LRPPRC: variants seen among roughly 807,000 people sequenced by gnomAD.
LRPPRC encodes leucine-rich PPR motif-containing protein, mitochondrial.
A neutral mutation model predicts 180.3 loss-of-function variants in LRPPRC; 120 were observed. The ratio of observed to expected loss-of-function variants is 0.67; its 90% confidence interval spans 0.57 to 0.77. LRPPRC has a LOEUF of 0.77. LRPPRC is among the 30% of genes least tolerant of loss of function. The pLI is 0.00. For synonymous variants in LRPPRC, 723 were observed against 600.0 expected, an observed-to-expected ratio of 1.21 and a Z score of -3.00; for missense variants, 2,012 against 1,657.2, an observed-to-expected ratio of 1.21 and a Z score of -3.72.
At chr2:43,918,824 T>G (rs1373074306) in intron 27 of LRPPRC, among the ~76,000 whole-genome samples, 6 of 143,708 alleles carry the variant, frequency 4.2e-5, no homozygotes, top group Non-Finnish European at 9.2e-5. Context: ...TATATATATC[T>G]ATATATAGAT....
intron 5 of LRPPRC, 35 bp from the exon 6 acceptor site, chr2:43,976,264 A>G (rs760076727): frequency 8.7e-7 from 1 of 1,152,780 alleles, no homozygotes; most frequent in Non-Finnish European, 1.3e-6. Context: ...CATTGAAAGT[A>G]TTTATAAGAA....
chr2:43,939,280 AAAAAATAAAAAT>A (rs71393216), intron 23 of LRPPRC, among the ~76,000 whole-genome samples: 20 of 151,254 alleles, frequency 1.3e-4, no homozygotes, highest in African/African-American at 4.6e-4. Context: ...CTCCGTCTCA[AAAAAATAAAAAT>A]AAAAATAAAA....
chr2:43,988,064 AC>A (rs1265498460), intron 1 of LRPPRC, among the ~76,000 whole-genome samples: 1 of 152,004 alleles, frequency 6.6e-6, no homozygotes, highest in Non-Finnish European at 1.5e-5. Context: ...AACATGTGAA[AC>A]CCCATCTCTA....
intron 23 of LRPPRC, among the ~76,000 whole-genome samples, chr2:43,938,634 T>C (rs1199009064): frequency 6.6e-6 from 1 of 152,180 alleles, no homozygotes; most frequent in Non-Finnish European, 1.5e-5. Flanking sequence ...AATCTGATAG[T>C]ACCACTCATT....
intron 1 of LRPPRC, among the ~76,000 whole-genome samples, chr2:43,990,272 A>T (rs1674716329): frequency 6.6e-6 from 1 of 152,026 alleles, no homozygotes; most frequent in Admixed American, 6.6e-5. Flanking sequence ...TGTTTACCCT[A>T]ATCCCCAAAT....
chr2:43,893,886 T>C (rs1350085324), intron 36 of LRPPRC, among the ~76,000 whole-genome samples: 1 of 152,186 alleles, frequency 6.6e-6, no homozygotes, highest in African/African-American at 2.4e-5. Context: ...GAAGCAATTC[T>C]TTATTTACCC....
intron 5 of LRPPRC, among the ~76,000 whole-genome samples, 186 bp from the exon 6 acceptor site, chr2:43,976,415 G>T (rs561303858): frequency 1.3e-5 from 2 of 152,028 alleles, no homozygotes; most frequent in African/African-American, 4.8e-5. Flanking sequence ...ACTCTCTAAT[G>T]TATCAACAGT....
intron 2 of LRPPRC, among the ~76,000 whole-genome samples, chr2:43,981,570 T>C (rs1239760010): frequency 6.6e-6 from 1 of 151,202 alleles, no homozygotes; most frequent in African/African-American, 2.4e-5. Flanking sequence ...GGCAGGAGAG[T>C]TGCTTGAACC....
At chr2:43,996,050 G>A (rs1031467351), upstream of LRPPRC, 15 of 1,210,120 alleles carry the variant, frequency 1.2e-5, no homozygotes, top group Non-Finnish European at 1.6e-5. Flanking sequence ...TGCCGGGCGT[G>A]CCAAATGTGG....
rs543827489 is a variant in LRPPRC at position 43,963,760 on chromosome 2, A to G, written c.1370-54T>C. The G allele has an allele frequency of 5.3e-4, 499 of 938,534 alleles. 6 individuals are homozygous for G. The South Asian group carries it at 6.0e-3, about 11-fold the overall frequency. The allele number at this position is 938,534 out of a possible 1,614,324, so 58.1% of individuals were successfully genotyped here. On this transcript the variant is annotated intron_variant, in intron 11 of 37. Coordinates refer to ENST00000260665, the MANE Select transcript of LRPPRC (RefSeq NM_133259.4). The stretch of plus-strand genomic sequence containing the variant: ...ATAGAGAACTTAGAATAAAGTAAGA[A>G]AAGATCGGTAAGTTCAGTTCAATTA...
At chr2:43,894,670 T>C (rs1413469192) in intron 35 of LRPPRC, 41 bp from the exon 36 acceptor site, 2 of 961,362 alleles carry the variant, frequency 2.1e-6, no homozygotes, top group Non-Finnish European at 3.4e-6. Context: ...AAACCGCAAA[T>C]TAACAGTGAA....
intron 27 of LRPPRC, among the ~76,000 whole-genome samples, chr2:43,923,610 G>A (rs1160185124): frequency 6.6e-6 from 1 of 152,034 alleles, no homozygotes; most frequent in Non-Finnish European, 1.5e-5. Context: ...GCAGTGTTAA[G>A]ACTTGGTGAT....
At chr2:43,980,983 T>G (rs1674282177) in intron 2 of LRPPRC, among the ~76,000 whole-genome samples, 1 of 152,230 alleles carries the variant, frequency 6.6e-6, no homozygotes, top group Admixed American at 6.5e-5. Context: ...TAATTAATAC[T>G]TCTTTGGTAT....
Position 43,973,845 on chromosome 2 carries a change from G to A in LRPPRC, c.1211C>T (p.Ser404Phe). 6.2e-7 allele frequency: 1 copy of A among 1,613,880 alleles called. No individual in the cohort carries two copies. The highest frequency in any genetic ancestry group is 8.5e-7 in the Non-Finnish European group (1 of 1,179,826). Residue 404 changes from serine to phenylalanine, a missense_variant, in exon 10 of 38, where the codon TCC (serine) becomes TTC (phenylalanine). By Grantham distance (155) the Ser-to-Phe change is radical. Coordinates refer to ENST00000260665, the MANE Select transcript of LRPPRC (RefSeq NM_133259.4). ...ATGGAGGGTGAACTGCAGAGGAAAG[G>A]AGTGCATCTGGACTTCCTTTAACTT... ...CKKLKEVQMHSFPLQFTLHCA... is the reference protein window; with the variant it reads ...CKKLKEVQMHFFPLQFTLHCA...
At chr2:43,907,024 T>C (rs946979344) in intron 30 of LRPPRC, among the ~76,000 whole-genome samples, 14 of 152,280 alleles carry the variant, frequency 9.2e-5, no homozygotes, top group Admixed American at 5.2e-4. Context: ...TAAATAAAAA[T>C]GAGACACTAT....
intron 5 of LRPPRC, among the ~76,000 whole-genome samples, chr2:43,976,580 C>G (rs1674065261): frequency 6.6e-6 from 1 of 151,898 alleles, no homozygotes; most frequent in Non-Finnish European, 1.5e-5. Context: ...ATTTTCCAAA[C>G]CTTCCATTCA....
chr2:43,916,949 GGAAAAAAAAAAA>G (rs1310204134), intron 29 of LRPPRC, among the ~76,000 whole-genome samples: 5 of 115,816 alleles, frequency 4.3e-5, no homozygotes, highest in African/African-American at 1.8e-4. Context: ...GTCTCCGGGG[GGAAAAAAAAAAA>G]AAAAAAAAGA....
intron 11 of LRPPRC, among the ~76,000 whole-genome samples, chr2:43,965,796 A>G (rs1673528910): frequency 6.6e-6 from 1 of 152,204 alleles, no homozygotes; most frequent in African/African-American, 2.4e-5. Context: ...GGGAAATGCA[A>G]ATTTAAGCCA....
chr2:43,957,843 C>T (rs1330391288), intron 13 of LRPPRC, among the ~76,000 whole-genome samples: 1 of 152,134 alleles, frequency 6.6e-6, no homozygotes, highest in Non-Finnish European at 1.5e-5. Flanking sequence ...AAAGACAGCA[C>T]ATGAGAGGAA....
Sources: gnomAD v4.1 joint callset for allele counts (sites outside exome capture counted in the v4.1 genomes callset) on GRCh38, gnomAD v4.1.1 for gene constraint, MANE v1.5 for transcripts, NCBI Gene and HGNC (gene_info 2026-07-23, HGNC 2026-07-21) for gene names.